Variants in VPS13A observed in about 807,000 individuals in gnomAD.
VPS13A encodes vacuolar protein sorting 13 homolog A.
A neutral mutation model predicts 390.9 loss-of-function variants in VPS13A; 264 were observed. The ratio of observed to expected loss-of-function variants is 0.68; its 90% confidence interval spans 0.61 to 0.75. VPS13A has a LOEUF of 0.75. VPS13A is among the 30% of genes least tolerant of loss of function. The probability of loss-of-function intolerance (pLI) is 0.00; values close to 1 mark genes in which losing one functional copy is unlikely to be tolerated. For missense variants in VPS13A, 3,409 were observed against 3,733.9 expected, an observed-to-expected ratio of 0.91 and a Z score of 2.27; for synonymous variants, 1,231 against 1,227.1, an observed-to-expected ratio of 1.00 and a Z score of -0.07.
intron 24 of VPS13A, among the ~76,000 whole-genome samples, chr9:77,273,993 T>C (rs1826495789): frequency 6.6e-6 from 1 of 152,232 alleles, no homozygotes; most frequent in Non-Finnish European, 1.5e-5. Flanking sequence ...TATTTTGGTC[T>C]TCTGTAGTCA....
chr9:77,183,257 A>C (rs1177715340), intron 1 of VPS13A, among the ~76,000 whole-genome samples: 1 of 152,214 alleles, frequency 6.6e-6, no homozygotes, highest in Non-Finnish European at 1.5e-5. Flanking sequence ...TAAAGTCTAC[A>C]ATTTGATAAG....
At chr9:77,188,743 G>A (rs1382045215) in intron 1 of VPS13A, among the ~76,000 whole-genome samples, 2 of 152,150 alleles carry the variant, frequency 1.3e-5, no homozygotes, top group Non-Finnish European at 2.9e-5. Flanking sequence ...ATTCCCACCA[G>A]CAGTGTGTAA....
chr9:77,278,008 G>A (rs903920739), intron 26 of VPS13A, among the ~76,000 whole-genome samples: 4 of 152,156 alleles, frequency 2.6e-5, no homozygotes, highest in Non-Finnish European at 4.4e-5. Context: ...CAACGTGACA[G>A]TGTTCCCTAG....
At chr9:77,208,352 A>G (rs1564631399) in intron 5 of VPS13A, among the ~76,000 whole-genome samples, 1 of 152,154 alleles carries the variant, frequency 6.6e-6, no homozygotes, top group Non-Finnish European at 1.5e-5. Context: ...TGAGAGTAAT[A>G]GGCAATTAGA....
At chr9:77,203,912 G>A (rs1345579814) in intron 3 of VPS13A, among the ~76,000 whole-genome samples, 1 of 152,062 alleles carries the variant, frequency 6.6e-6, no homozygotes. Context: ...TTTAGAGGCC[G>A]GGCAGGGTAG....
At chr9:77,354,549 A>C (rs1831651279) in intron 54 of VPS13A, among the ~76,000 whole-genome samples, 1 of 152,180 alleles carries the variant, frequency 6.6e-6, no homozygotes, top group Admixed American at 6.5e-5. Context: ...TATAAGTTCT[A>C]TAAGGAATAA....
At chr9:77,261,853 G>A (rs973741616) in intron 23 of VPS13A, among the ~76,000 whole-genome samples, 3 of 152,148 alleles carry the variant, frequency 2.0e-5, no homozygotes, top group Non-Finnish European at 4.4e-5. Flanking sequence ...CCAAGTACTG[G>A]GATTACAGGC....
At chr9:77,219,819 T>TG (rs1188395437) in intron 10 of VPS13A, 135 bp from the exon 11 acceptor site, 5 of 857,140 alleles carry the variant, frequency 5.8e-6, no homozygotes, top group Non-Finnish European at 9.4e-6. Context: ...GACTGAACCA[T>TG]GGCAGTGTGA....
chr9:77,295,412 G>A, intron 32 of VPS13A, 130 bp from the exon 33 acceptor site: 1 of 746,850 alleles, frequency 1.3e-6, no homozygotes, highest in Non-Finnish European at 2.0e-6. Flanking sequence ...GTAAGATTTT[G>A]AATAAATAAT....
intron 68 of VPS13A, among the ~76,000 whole-genome samples, chr9:77,399,194 A>C (rs867503374): frequency 1.6e-5 from 2 of 127,808 alleles, no homozygotes; most frequent in East Asian, 5.0e-4. Flanking sequence ...AAAAAAAAAA[A>C]AAAAAAAAAA....
Position 77,177,712 on chromosome 9 carries a change from T to G in VPS13A, c.8T>G (p.Phe3Cys). Residue 3 changes from phenylalanine (F) to cysteine (C), a missense_variant, in exon 1 of 72, where the codon TTC (phenylalanine) becomes TGC (cysteine). Physicochemically the swap from Phe to Cys is radical, Grantham distance 205. Around this residue, in one of 5 missense-constraint regions of VPS13A, gnomAD observed 2,717 missense variants for 2,917.4 expected, o/e 0.93. Transcript: ENST00000360280. Reference protein sequence around the residue: MVFESVVVDVLNR... With the variant: MVCESVVVDVLNR... ...CCACCACGGCTGAGGAACATGGTTT[T>G]CGAGTCGGTGGTCGTGGACGTGTTG... 14 of 1,613,384 alleles carry G rather than the reference T, an allele frequency of 8.7e-6. No homozygotes were observed. The highest frequency in any genetic ancestry group is 1.0e-5 in the Non-Finnish European group (12 of 1,179,582).
chr9:77,375,446 G>A (rs991554736), intron 67 of VPS13A, among the ~76,000 whole-genome samples: 3 of 152,106 alleles, frequency 2.0e-5, no homozygotes, highest in Non-Finnish European at 4.4e-5. Context: ...ATTAAATATT[G>A]TCCTATTTGT....
At chr9:77,297,423 T>C (rs560748448) in intron 33 of VPS13A, among the ~76,000 whole-genome samples, 124 of 152,198 alleles carry the variant, frequency 8.1e-4, no homozygotes, top group African/African-American at 2.9e-3. Context: ...CCCCCCTCCC[T>C]GTACCATGGC....
At chr9:77,315,655 G>A (rs930670117) in intron 38 of VPS13A, among the ~76,000 whole-genome samples, 185 bp downstream of exon 38, 1 of 151,970 alleles carries the variant, frequency 6.6e-6, no homozygotes, top group East Asian at 1.9e-4. Context: ...TTTTAAAGGT[G>A]TCAGTATATA....
intron 70 of VPS13A, among the ~76,000 whole-genome samples, chr9:77,406,702 C>A (rs2131656953): frequency 6.6e-6 from 1 of 151,878 alleles, no homozygotes; most frequent in East Asian, 1.9e-4. Context: ...TAGACGTGAG[C>A]CACTGGACCC....
At chr9:77,259,180 C>G (rs909730030) in intron 22 of VPS13A, among the ~76,000 whole-genome samples, 3 of 152,082 alleles carry the variant, frequency 2.0e-5, no homozygotes, top group African/African-American at 7.2e-5. Flanking sequence ...GGAACATTCC[C>G]TTGAAAGTTG....
intron 19 of VPS13A, among the ~76,000 whole-genome samples, chr9:77,240,519 C>G (rs1247268926): frequency 1.4e-5 from 2 of 147,874 alleles, no homozygotes; most frequent in Admixed American, 6.7e-5. Context: ...TTCTGTCAGC[C>G]AGGCTGGGGG....
intron 52 of VPS13A, among the ~76,000 whole-genome samples, chr9:77,350,580 G>A (rs1831397064): frequency 6.6e-6 from 1 of 152,100 alleles, no homozygotes; most frequent in South Asian, 2.1e-4. Flanking sequence ...TCTCAAAATT[G>A]TATAGGTATT....
chr9:77,382,238 G>T, intron 68 of VPS13A, 151 bp downstream of exon 68: 1 of 1,430,656 alleles, frequency 7.0e-7, no homozygotes, highest in Non-Finnish European at 9.3e-7. Flanking sequence ...AGATTTTAAA[G>T]TACATTTATT....
Sources: allele counts gnomAD v4.1 joint callset (sites outside exome capture counted in the v4.1 genomes callset), GRCh38; gene constraint gnomAD v4.1.1; regional missense constraint gnomAD v4.1.1; transcripts MANE v1.5; gene names NCBI Gene and HGNC (gene_info 2026-07-23, HGNC 2026-07-21).